ITGAE: variants seen among roughly 807,000 people sequenced by gnomAD.
ITGAE encodes the protein integrin subunit alpha E.
A neutral mutation model predicts 136.5 loss-of-function variants in ITGAE; 99 were observed. The observed-to-expected ratio is 0.73, with a 90% confidence interval of 0.62 to 0.86. ITGAE has a LOEUF of 0.86. ITGAE is among the 40% of genes least tolerant of loss of function. The pLI is 0.00. For synonymous variants in ITGAE, 613 were observed against 591.8 expected (o/e 1.04, Z -0.52); for missense variants, 1,447 against 1,515.3 (o/e 0.95, Z 0.75).
intron 29 of ITGAE, chr17:3,717,423 G>T (rs1431977): frequency 0.52 from 79,389 of 152,004 alleles, 21,626 homozygotes; most frequent in African/African-American, 0.64. Flanking sequence ...GAAGTCATCC[G>T]CAGGTTTTGT....
intron 28 of ITGAE, among the ~76,000 whole-genome samples, chr17:3,720,787 T>C (rs2051034144): frequency 6.6e-6 from 1 of 152,154 alleles, no homozygotes; most frequent in Non-Finnish European, 1.5e-5. Context: ...TTTGCCATGT[T>C]GGCCAGGCTT....
At chr17:3,779,562 C>G (rs2052617098) in intron 1 of ITGAE, among the ~76,000 whole-genome samples, 1 of 152,150 alleles carries the variant, frequency 6.6e-6, no homozygotes, top group African/African-American at 2.4e-5. Flanking sequence ...CTCCTGACCT[C>G]AAGTGATCCA....
chr17:3,784,716 G>T (rs2052745161), intron 1 of ITGAE, among the ~76,000 whole-genome samples: 1 of 152,146 alleles, frequency 6.6e-6, no homozygotes, highest in South Asian at 2.1e-4. Flanking sequence ...AAGTACACGT[G>T]AAACATTTAC....
intron 2 of ITGAE, among the ~76,000 whole-genome samples, chr17:3,768,404 T>C (rs1267697860): frequency 1.3e-5 from 2 of 152,044 alleles, no homozygotes; most frequent in Non-Finnish European, 2.9e-5. Flanking sequence ...GGAGTGAGCC[T>C]AGTGAGTTAC....
At chr17:3,727,460 C>G (rs1221285328) in intron 26 of ITGAE, among the ~76,000 whole-genome samples, 1 of 150,290 alleles carries the variant, frequency 6.7e-6, no homozygotes, top group African/African-American at 2.5e-5. Flanking sequence ...AGTGCAGTGG[C>G]AGGATCTCGG....
intron 20 of ITGAE, among the ~76,000 whole-genome samples, chr17:3,737,749 G>A (rs1487124660): frequency 1.3e-5 from 2 of 152,158 alleles, no homozygotes; most frequent in Non-Finnish European, 2.9e-5. Flanking sequence ...GGGGTCTGTA[G>A]TCTTCATTAG....
chr17:3,734,671 G>C, intron 21 of ITGAE, 146 bp downstream of exon 21: 1 of 962,098 alleles, frequency 1.0e-6, no homozygotes. Flanking sequence ...GACTGGCGGG[G>C]ATTTATCTAG....
At chr17:3,723,430 GTCT>G in intron 27 of ITGAE, 47 bp from the exon 28 acceptor site, 1 of 1,400,294 alleles carries the variant, frequency 7.1e-7, no homozygotes, top group Non-Finnish European at 1.0e-6. Context: ...CGTGCGGAAA[GTCT>G]GAAATCTTTT....
At chr17:3,795,808 T>C (rs2053053786) in intron 1 of ITGAE, among the ~76,000 whole-genome samples, 2 of 151,736 alleles carry the variant, frequency 1.3e-5, no homozygotes, top group Middle Eastern at 3.4e-3. Context: ...TGTGTGCTTG[T>C]GTGCATCCGT....
intron 2 of ITGAE, among the ~76,000 whole-genome samples, chr17:3,769,014 T>C (rs1282913497): frequency 6.6e-6 from 1 of 151,956 alleles, no homozygotes; most frequent in Non-Finnish European, 1.5e-5. Flanking sequence ...GCCCCCAAAT[T>C]AGGTTGCTTC....
chr17:3,784,031 C>T (rs1050936872), intron 1 of ITGAE, among the ~76,000 whole-genome samples: 38 of 152,140 alleles, frequency 2.5e-4, no homozygotes, highest in Admixed American at 1.1e-3. Context: ...GAGGCCGAGG[C>T]GGGCGGATCA....
chr17:3,716,428 T>G (rs975780281), intron 30 of ITGAE, among the ~76,000 whole-genome samples: 1 of 152,222 alleles, frequency 6.6e-6, no homozygotes, highest in Non-Finnish European at 1.5e-5. Flanking sequence ...CATAACAGTA[T>G]TAAGTTCTGG....
At chr17:3,772,592 C>T (rs1398425672) in intron 2 of ITGAE, among the ~76,000 whole-genome samples, 2 of 151,868 alleles carry the variant, frequency 1.3e-5, no homozygotes, top group Admixed American at 6.6e-5. Flanking sequence ...GCCTCCCAAG[C>T]AGCTGGGACT....
chr17:3,796,161 GT>G (rs2053094050), intron 1 of ITGAE, among the ~76,000 whole-genome samples: 1 of 77,866 alleles, frequency 1.3e-5, no homozygotes, highest in Admixed American at 1.4e-4. Flanking sequence ...GTGTGTGTGT[GT>G]GTGCATCCGT....
At chr17:3,766,123 C>T (rs1351887428) in intron 2 of ITGAE, among the ~76,000 whole-genome samples, 10 of 152,164 alleles carry the variant, frequency 6.6e-5, no homozygotes, top group East Asian at 1.9e-4. Flanking sequence ...GCCCCGAAAA[C>T]GGTGGCATGG....
rs752970502 is a variant in ITGAE at position 3,801,117 on chromosome 17, TGCAGA to T, written c.23_27del (p.Leu8HisfsTer67). On this transcript the variant is annotated frameshift_variant, in exon 1 of 31. Transcript: ENST00000263087. LOFTEE classifies it high-confidence loss of function. ...AGCGGGTGAGAGGACTTACTGGCTATGCAGAGCAGAGTGTGGAAGAGCCACATCCT... is the reference window on the plus strand; with the variant it reads ...AGCGGGTGAGAGGACTTACTGGCTATGCAGAGTGTGGAAGAGCCACATCCT... 2.5e-5 allele frequency: 41 copies of T among 1,612,676 alleles called. No homozygotes were observed. The highest frequency in any genetic ancestry group is 3.4e-5 in the Non-Finnish European group (40 of 1,180,026).
At chr17:3,765,257 G>A (rs1322733595) in intron 2 of ITGAE, among the ~76,000 whole-genome samples, 2 of 146,840 alleles carry the variant, frequency 1.4e-5, no homozygotes, top group African/African-American at 2.5e-5. Context: ...CCTGAGGCAG[G>A]AGAATGGTGT....
At chr17:3,724,186 G>A (rs1032376409) in intron 26 of ITGAE, 7 of 1,591,416 alleles carry the variant, frequency 4.4e-6, no homozygotes, top group Non-Finnish European at 6.0e-6. Flanking sequence ...AGGCGTCCCG[G>A]CGGCCGAGTG....
intron 1 of ITGAE, among the ~76,000 whole-genome samples, chr17:3,785,844 G>A (rs1462957739): frequency 6.6e-6 from 1 of 151,686 alleles, no homozygotes; most frequent in African/African-American, 2.4e-5. Flanking sequence ...AATAGAAAGG[G>A]GGGACATCAT....
Sources: gnomAD v4.1 joint callset for allele counts (sites outside exome capture counted in the v4.1 genomes callset) on GRCh38, gnomAD v4.1.1 for gene constraint, MANE v1.5 for transcripts, NCBI Gene and HGNC (gene_info 2026-07-23, HGNC 2026-07-21) for gene names.